The following FGF14 variants were observed in gnomAD, a reference collection of about 807,000 sequenced individuals.
FGF14 encodes fibroblast growth factor 14, also known as fibroblast growth factor homologous factor 4.
FGF14 carries 5 observed loss-of-function variants against 25.5 expected under a neutral mutation model. That is an observed-to-expected ratio of 0.20 (90% confidence interval 0.10 to 0.41). The LOEUF (loss-of-function observed/expected upper bound fraction) is 0.41, where lower values mean the gene tolerates loss of function less well. Ranked by LOEUF, FGF14 falls within the 10% of genes least tolerant of loss-of-function variation. The pLI, the probability that FGF14 is intolerant of heterozygous loss-of-function variation, is 1.00. For synonymous variants in FGF14, 138 were observed against 118.3 expected, an observed-to-expected ratio of 1.17 and a Z score of -1.08; for missense variants, 222 against 320.1, an observed-to-expected ratio of 0.69 and a Z score of 2.34.
At chr13:101,924,327 G>A (rs1180256234) in intron 1 of FGF14, among the ~76,000 whole-genome samples, 1 of 152,054 alleles carries the variant, frequency 6.6e-6, no homozygotes, top group Non-Finnish European at 1.5e-5. Context: ...TTTGCATTTA[G>A]CATACATGAG....
At chr13:101,866,947 A>T (rs2044741430) in intron 3 of FGF14, among the ~76,000 whole-genome samples, 1 of 152,170 alleles carries the variant, frequency 6.6e-6, no homozygotes, top group East Asian at 1.9e-4. Context: ...GGAGAACACC[A>T]ACATCTGTAA....
At chr13:102,285,876 C>T (rs574463489) in intron 1 of FGF14, among the ~76,000 whole-genome samples, 1 of 152,258 alleles carries the variant, frequency 6.6e-6, no homozygotes, top group East Asian at 1.9e-4. Context: ...GCTGATACTT[C>T]AAGGCAAAGG....
At chr13:101,862,315 C>T (rs1460958567) in intron 3 of FGF14, among the ~76,000 whole-genome samples, 6 of 151,992 alleles carry the variant, frequency 3.9e-5, no homozygotes, top group Non-Finnish European at 7.4e-5. Context: ...CATCTGACTA[C>T]TGCTGTTCTA....
intron 1 of FGF14, among the ~76,000 whole-genome samples, chr13:102,311,862 G>C (rs2055785299): frequency 6.6e-6 from 1 of 152,158 alleles, no homozygotes; most frequent in South Asian, 2.1e-4. Context: ...ACTTACCGAT[G>C]TGCTAAAAAG....
chr13:102,013,918 T>C (rs2040208549), intron 1 of FGF14, among the ~76,000 whole-genome samples: 1 of 152,162 alleles, frequency 6.6e-6, no homozygotes, highest in Non-Finnish European at 1.5e-5. Context: ...AGCAGACGTC[T>C]TCCAATAGAA....
At chr13:102,020,413 T>G (rs2040575378) in intron 1 of FGF14, among the ~76,000 whole-genome samples, 1 of 152,010 alleles carries the variant, frequency 6.6e-6, no homozygotes, top group Admixed American at 6.6e-5. Context: ...CCAGGCGTGG[T>G]GGTGCATGCC....
chr13:102,007,491 C>T (rs1047721551), intron 1 of FGF14, among the ~76,000 whole-genome samples: 2 of 152,178 alleles, frequency 1.3e-5, no homozygotes, highest in Admixed American at 6.5e-5. Context: ...ACAATGAGCA[C>T]GTCTCTAGAC....
chr13:101,859,119 G>A (rs777173498), intron 3 of FGF14, among the ~76,000 whole-genome samples: 26 of 151,994 alleles, frequency 1.7e-4, no homozygotes, highest in Non-Finnish European at 3.2e-4. Flanking sequence ...TTTTTTCAGC[G>A]GGGAAAAAAG....
At chr13:101,986,816 C>G (rs890026371) in intron 1 of FGF14, among the ~76,000 whole-genome samples, 15 of 152,122 alleles carry the variant, frequency 9.9e-5, no homozygotes, top group African/African-American at 2.7e-4. Flanking sequence ...GTTTAAACCT[C>G]CCCCTTTTCA....
At position 102,400,523 on chromosome 13, in the gene FGF14, C is replaced by G. The variant is rs531341373; in HGVS notation, c.208+948G>C. On this transcript the variant is annotated intron_variant, in intron 1 of 4. Coordinates refer to the FGF14 transcript ENST00000376131. This position sits in a 1 kb window ranked among gnomAD's most constrained non-coding sequence, Gnocchi z 4.3. The stretch of plus-strand genomic sequence containing the variant: ...CCTCCAGCCTGCCTCCCCTGGGTTG[C>G]TCGCCCACAGCTCCGCGGCCGCCCC... Among the ~76,000 whole-genome samples the G allele has an allele frequency of 5.0e-3, 766 of 152,340 alleles. 6 individuals are homozygous for G. The highest frequency in any genetic ancestry group is 0.017 in the African/African-American group (721 of 41,586).
intron 1 of FGF14, among the ~76,000 whole-genome samples, chr13:102,322,541 A>C (rs2056284982): frequency 6.6e-6 from 1 of 152,156 alleles, no homozygotes; most frequent in African/African-American, 2.4e-5. Context: ...CATAATCCTT[A>C]AAAAATTATC....
intron 1 of FGF14, among the ~76,000 whole-genome samples, chr13:102,371,097 T>C (rs532793010): frequency 2.6e-5 from 4 of 152,318 alleles, no homozygotes; most frequent in African/African-American, 9.6e-5. Context: ...CACGTGTTAT[T>C]TCATATTCCA....
intron 3 of FGF14, among the ~76,000 whole-genome samples, chr13:101,761,843 T>A (rs1324445084): frequency 3.3e-4 from 50 of 152,210 alleles, no homozygotes; most frequent in Non-Finnish European, 7.3e-5. Flanking sequence ...TCTCTGCCAT[T>A]ATTCAGTTCA....
At chr13:101,763,166 T>G (rs2038142745) in intron 3 of FGF14, among the ~76,000 whole-genome samples, 1 of 150,058 alleles carries the variant, frequency 6.7e-6, no homozygotes, top group African/African-American at 2.4e-5. Context: ...TGTGATGAAG[T>G]GAAAGGCACA....
At chr13:102,377,016 C>T (rs148538878) in intron 1 of FGF14, among the ~76,000 whole-genome samples, 43 of 152,076 alleles carry the variant, frequency 2.8e-4, no homozygotes, top group Non-Finnish European at 5.4e-4. Flanking sequence ...TGCTTATTGA[C>T]GGAGCAGAGA....
At chr13:101,891,738 A>G (rs2029862738) in intron 1 of FGF14, among the ~76,000 whole-genome samples, 1 of 152,164 alleles carries the variant, frequency 6.6e-6, no homozygotes, top group Non-Finnish European at 1.5e-5. Flanking sequence ...ATATATAAAT[A>G]TACATATAAA....
chr13:101,820,451 C>T (rs2042058326), intron 3 of FGF14, among the ~76,000 whole-genome samples: 1 of 152,054 alleles, frequency 6.6e-6, no homozygotes, highest in South Asian at 2.1e-4. Flanking sequence ...AAGATGAAGA[C>T]TAGCCTTTAC....
intron 1 of FGF14, among the ~76,000 whole-genome samples, chr13:102,320,048 A>G (rs773464334): frequency 2.0e-5 from 3 of 152,134 alleles, no homozygotes; most frequent in South Asian, 4.2e-4. Flanking sequence ...TATAGTTTCC[A>G]TTTTCAAAAT....
At chr13:101,949,068 G>C (rs777449635) in intron 1 of FGF14, among the ~76,000 whole-genome samples, 20 of 152,116 alleles carry the variant, frequency 1.3e-4, no homozygotes, top group Non-Finnish European at 2.5e-4. Flanking sequence ...AACAGGAACT[G>C]GGTGATGAAC....
Sources: gnomAD v4.1 joint callset for allele counts (sites outside exome capture counted in the v4.1 genomes callset) on GRCh38, gnomAD v4.1.1 for gene constraint, Gnocchi (gnomAD v3.1) non-coding constraint, MANE v1.5 for transcripts, NCBI Gene and HGNC (gene_info 2026-07-23, HGNC 2026-07-21) for gene names.